RASGRF2: variants seen among roughly 807,000 people sequenced by gnomAD.
RASGRF2 encodes ras-specific guanine nucleotide-releasing factor 2.
A neutral mutation model predicts 151.0 loss-of-function variants in RASGRF2; 76 were observed. That is an observed-to-expected ratio of 0.50 (90% CI 0.42 to 0.61). The LOEUF (loss-of-function observed/expected upper bound fraction) is 0.61, where lower values mean the gene tolerates loss of function less well. RASGRF2 is among the 20% of genes least tolerant of loss of function. RASGRF2 has a pLI of 0.00. For missense variants in RASGRF2, 1,148 were observed against 1,564.6 expected (o/e 0.73, Z 4.49); for synonymous variants, 504 against 566.5 (o/e 0.89, Z 1.57).
chr5:81,107,598 G>T (rs184783685), intron 12 of RASGRF2, among the ~76,000 whole-genome samples: 1 of 152,278 alleles, frequency 6.6e-6, no homozygotes, highest in Non-Finnish European at 1.5e-5. Flanking sequence ...CATAAAGTAT[G>T]TGTGGTGGTT....
intron 18 of RASGRF2, among the ~76,000 whole-genome samples, chr5:81,187,361 CA>C (rs1163781432): frequency 2.0e-5 from 3 of 152,180 alleles, no homozygotes; most frequent in African/African-American, 7.2e-5. Flanking sequence ...ACAGTATAAA[CA>C]GCACAGTTCT....
At chr5:81,194,937 TC>T (rs1317179808) in intron 18 of RASGRF2, among the ~76,000 whole-genome samples, 3 of 152,198 alleles carry the variant, frequency 2.0e-5, no homozygotes, top group Non-Finnish European at 2.9e-5. Flanking sequence ...AATATAAACG[TC>T]TTGCATTTTC....
At chr5:81,036,055 A>G (rs980180551) in intron 1 of RASGRF2, among the ~76,000 whole-genome samples, 1 of 152,214 alleles carries the variant, frequency 6.6e-6, no homozygotes, top group Non-Finnish European at 1.5e-5. Context: ...AAAAGGCACA[A>G]ATAACATTAA....
At chr5:81,021,869 G>T (rs920159371) in intron 1 of RASGRF2, among the ~76,000 whole-genome samples, 42 of 152,202 alleles carry the variant, frequency 2.8e-4, no homozygotes, top group African/African-American at 9.6e-4. Context: ...TTTTTAAAGG[G>T]TCTGGACAGG....
intron 1 of RASGRF2, among the ~76,000 whole-genome samples, chr5:81,014,147 A>AT (rs1477615525): frequency 2.6e-5 from 4 of 152,124 alleles, no homozygotes. Context: ...AAAGTTTTAC[A>AT]TTTTTATGTA....
In RASGRF2 at chr5:81,073,465, A is replaced by G. The variant is rs766121326; in HGVS notation, c.887+13A>G. ...TTTTTCTTAACAGGTTTGACATTGC[A>G]TAAATCAAAGAGTTATGAGAAAAAC... On this transcript the variant is annotated intron_variant, in intron 5 of 26. Coordinates refer to ENST00000265080, the MANE Select transcript of RASGRF2 (RefSeq NM_006909.3). 5.6e-6 allele frequency: 9 copies of G among 1,608,858 alleles called. No homozygotes were observed. The East Asian group carries it at 6.7e-5, about 12-fold the overall frequency.
chr5:81,001,931 G>A (rs1190356784), intron 1 of RASGRF2, among the ~76,000 whole-genome samples: 4 of 152,146 alleles, frequency 2.6e-5, no homozygotes, highest in Non-Finnish European at 5.9e-5. Context: ...TGTCTTCTAT[G>A]TCCTATTGAG....
At chr5:81,161,474 C>T (rs1248958368) in intron 17 of RASGRF2, among the ~76,000 whole-genome samples, 2 of 152,146 alleles carry the variant, frequency 1.3e-5, no homozygotes, top group African/African-American at 4.8e-5. Context: ...CCTTTTTCAT[C>T]ATCTGGGCTG....
intron 1 of RASGRF2, among the ~76,000 whole-genome samples, chr5:81,017,928 T>C (rs1332543347): frequency 6.6e-6 from 1 of 151,912 alleles, no homozygotes; most frequent in East Asian, 1.9e-4. Flanking sequence ...CAAAACCCCA[T>C]CTCTAATAAA....
chr5:80,978,244 T>C (rs1175075005), intron 1 of RASGRF2, among the ~76,000 whole-genome samples: 1 of 152,192 alleles, frequency 6.6e-6, no homozygotes, highest in Non-Finnish European at 1.5e-5. Flanking sequence ...ATAATGCAAG[T>C]CCACAGCTTA....
chr5:81,075,041 T>C (rs147873835), intron 5 of RASGRF2, among the ~76,000 whole-genome samples: 1 of 152,356 alleles, frequency 6.6e-6, no homozygotes, highest in East Asian at 1.9e-4. Context: ...AAATGCTCTC[T>C]CTGGCTTCTC....
At chr5:81,179,689 C>T (rs1201963986) in intron 17 of RASGRF2, among the ~76,000 whole-genome samples, 2 of 152,100 alleles carry the variant, frequency 1.3e-5, no homozygotes, top group African/African-American at 4.8e-5. Context: ...CATTCTTAGC[C>T]GTGATGCTGT....
intron 15 of RASGRF2, among the ~76,000 whole-genome samples, chr5:81,120,266 G>A (rs532172191): frequency 1.1e-3 from 164 of 152,192 alleles, no homozygotes; most frequent in African/African-American, 3.4e-3. Context: ...GAGAGATACA[G>A]GGTACAACTA....
intron 4 of RASGRF2, among the ~76,000 whole-genome samples, chr5:81,070,992 C>A (rs1326860910): frequency 1.3e-5 from 2 of 152,068 alleles, no homozygotes; most frequent in Non-Finnish European, 1.5e-5. Flanking sequence ...ATCAGCACAT[C>A]CGCTTATATT....
chr5:81,211,932 T>G (rs1225564052), intron 22 of RASGRF2, among the ~76,000 whole-genome samples: 1 of 152,202 alleles, frequency 6.6e-6, no homozygotes, highest in Non-Finnish European at 1.5e-5. Context: ...TCTTTCTCTG[T>G]GATAACTGTG....
intron 4 of RASGRF2, 76 bp downstream of exon 4, chr5:81,070,657 C>T (rs988195814): frequency 1.5e-6 from 2 of 1,293,784 alleles, no homozygotes; most frequent in Non-Finnish European, 2.2e-6. Flanking sequence ...CTTTGCCACC[C>T]TGTGCGTGAG....
Position 81,080,713 on chromosome 5 carries a change from T to C in RASGRF2, c.1085T>C (p.Leu362Pro), listed in dbSNP as rs1456235648. 6.2e-7 allele frequency: 1 copy of C among 1,614,182 alleles called. No homozygotes were observed. Among genetic ancestry groups the C allele is most frequent in the African/African-American group, 1.3e-5 (1 of 75,042 alleles). ...AAGCAAAACAGAGATTTTGACAAAC[T>C]CTTAAAACAGTATGAAGCCAATCCA... ...NCKQNRDFDKLLKQYEANPAC... is the reference protein window; with the variant it reads ...NCKQNRDFDKPLKQYEANPAC... Residue 362 changes from leucine (L) to proline (P), a missense_variant, in exon 7 of 27, where the codon CTC becomes CCC. Leu to Pro is a moderately conservative substitution (Grantham distance 98). Coordinates refer to ENST00000265080, the MANE Select transcript of RASGRF2 (RefSeq NM_006909.3).
chr5:81,024,648 G>C (rs1212457201), intron 1 of RASGRF2, among the ~76,000 whole-genome samples: 1 of 152,166 alleles, frequency 6.6e-6, no homozygotes, highest in Non-Finnish European at 1.5e-5. Context: ...CTGTGGTAGG[G>C]GGAGGTGGGA....
chr5:81,171,966 T>A (rs924467714), intron 17 of RASGRF2, among the ~76,000 whole-genome samples: 3 of 152,204 alleles, frequency 2.0e-5, no homozygotes, highest in African/African-American at 7.2e-5. Flanking sequence ...GGAGGGCTGA[T>A]AATTACATAG....
Sources: gnomAD v4.1 joint callset for allele counts (sites outside exome capture counted in the v4.1 genomes callset) on GRCh38, gnomAD v4.1.1 for gene constraint, MANE v1.5 for transcripts, NCBI Gene and HGNC (gene_info 2026-07-23, HGNC 2026-07-21) for gene names.